PAH: variants seen among roughly 807,000 people sequenced by gnomAD.
PAH encodes phenylalanine-4-hydroxylase.
In PAH, 64 loss-of-function variants were observed where a neutral mutation model predicts 62.0. The observed-to-expected ratio is 1.03, with a 90% CI of 0.84 to 1.27. PAH has a LOEUF of 1.27. PAH is among the 50% of genes most tolerant of loss of function. The pLI, the probability that PAH is intolerant of heterozygous loss-of-function variation, is 0.00. For synonymous variants in PAH, 195 were observed against 196.2 expected (o/e 0.99, Z 0.05); for missense variants, 579 against 542.8 (o/e 1.07, Z -0.66).
intron 1 of PAH, among the ~76,000 whole-genome samples, chr12:102,927,617 A>C (rs113496823): frequency 1.7e-4 from 26 of 152,292 alleles, no homozygotes; most frequent in African/African-American, 6.0e-4. Context: ...GCTCAGGGAA[A>C]ATAATTAATT....
At chr12:102,844,541 G>A in intron 9 of PAH, 110 bp from the exon 10 acceptor site, 1 of 754,070 alleles carries the variant, frequency 1.3e-6, no homozygotes, top group Admixed American at 2.0e-5. Flanking sequence ...ATTTTGGGGT[G>A]TGTCTATGTC....
intron 6 of PAH, 121 bp downstream of exon 6, chr12:102,855,015 T>G (rs1433104451): frequency 1.2e-6 from 1 of 817,122 alleles, no homozygotes; most frequent in Admixed American, 1.9e-5. Context: ...TCAACCTGCA[T>G]GCATTCCTAC....
At chr12:102,884,028 A>G (rs1293307300) in intron 3 of PAH, among the ~76,000 whole-genome samples, 1 of 152,208 alleles carries the variant, frequency 6.6e-6, no homozygotes, top group Non-Finnish European at 1.5e-5. Flanking sequence ...TGGTATTATC[A>G]TTATAGAAGG....
At chr12:102,913,974 A>G in intron 1 of PAH, 1 of 646,570 alleles carries the variant, frequency 1.5e-6, no homozygotes, top group Non-Finnish European at 2.8e-6. Context: ...CTCTCTTGTA[A>G]GCAAGTTAAT....
intron 1 of PAH, among the ~76,000 whole-genome samples, chr12:102,935,851 T>C (rs1438201127): frequency 6.6e-6 from 1 of 152,046 alleles, no homozygotes; most frequent in Admixed American, 6.5e-5. Flanking sequence ...CTTTTTGTTA[T>C]GTTGATCTGT....
intron 6 of PAH, chr12:102,854,834 A>AAAAC (rs1565847906): frequency 1.3e-4 from 57 of 436,254 alleles, no homozygotes; most frequent in Non-Finnish European, 1.9e-4. Context: ...CAAAACAAAA[A>AAAAC]AAAACCTCAG....
intron 2 of PAH, among the ~76,000 whole-genome samples, chr12:102,909,304 G>A (rs2136723226): frequency 6.6e-6 from 1 of 152,272 alleles, no homozygotes; most frequent in South Asian, 2.1e-4. Context: ...GGATTGTGTG[G>A]AGGAAGACCA....
intron 4 of PAH, among the ~76,000 whole-genome samples, chr12:102,869,287 T>C (rs1003610060): frequency 6.6e-6 from 1 of 152,218 alleles, no homozygotes; most frequent in African/African-American, 2.4e-5. Flanking sequence ...GTATACCCAG[T>C]TGATATTATC....
intron 5 of PAH, among the ~76,000 whole-genome samples, chr12:102,857,699 T>C (rs559109552): frequency 2.4e-4 from 37 of 152,280 alleles, no homozygotes; most frequent in Non-Finnish European, 4.9e-4. Context: ...GAATTTCAAC[T>C]CAGAATTTCA....
At chr12:102,930,284 T>TAA (rs1878812835) in intron 1 of PAH, among the ~76,000 whole-genome samples, 1 of 152,132 alleles carries the variant, frequency 6.6e-6, no homozygotes, top group African/African-American at 2.4e-5. Flanking sequence ...GCTAATGAAC[T>TAA]AAAGCTTTAG....
intron 2 of PAH, among the ~76,000 whole-genome samples, chr12:102,910,811 T>TCAACGTGCTTGAAAG (rs151139638): frequency 0.038 from 5,823 of 152,204 alleles, 191 homozygotes; most frequent in African/African-American, 0.085. Context: ...GGGGTTGCTT[T>TCAACGTGCTTGAAAG]CAAGCACGTT....
intron 1 of PAH, among the ~76,000 whole-genome samples, chr12:102,936,213 A>T (rs1879093794): frequency 6.6e-6 from 1 of 151,888 alleles, no homozygotes; most frequent in African/African-American, 2.4e-5. Context: ...CCTGTTATTG[A>T]TTTCTAGTTT....
At chr12:102,893,819 G>A (rs1337716206) in intron 3 of PAH, among the ~76,000 whole-genome samples, 1 of 152,196 alleles carries the variant, frequency 6.6e-6, no homozygotes, top group Admixed American at 6.5e-5. Context: ...GACAATGCAA[G>A]TTTTGACAAC....
intron 1 of PAH, among the ~76,000 whole-genome samples, chr12:102,944,718 G>A (rs1287818138): frequency 6.6e-6 from 1 of 152,170 alleles, no homozygotes; most frequent in East Asian, 1.9e-4. Flanking sequence ...TGTCTGAAAG[G>A]TCACATATCT....
chr12:102,899,305 A>T (rs1044766734), intron 2 of PAH, among the ~76,000 whole-genome samples: 2 of 152,112 alleles, frequency 1.3e-5, no homozygotes, highest in Non-Finnish European at 2.9e-5. Flanking sequence ...AGCAAAGAAG[A>T]AGTTCTGGGA....
rs1874677176 is a variant in PAH at position 102,843,546 on chromosome 12, G to A, written c.1199+100C>T. Reference sequence around the variant, plus strand: ...AAACTGTCTATGGTACAAAGTTGCTGTAGACATTGGAGTCCACTCTCCTGG... The same window carrying A: ...AAACTGTCTATGGTACAAAGTTGCTATAGACATTGGAGTCCACTCTCCTGG... On this transcript the variant is annotated intron_variant, in intron 11 of 12. Coordinates refer to ENST00000553106, the MANE Select transcript of PAH (RefSeq NM_000277.3). The A allele has an allele frequency of 3.5e-6, 4 of 1,146,898 alleles. No homozygotes were observed. In the South Asian group the frequency reaches 5.0e-5, roughly 14 times the overall value. 71.0% of individuals were successfully genotyped at this position (1,146,898 alleles called of 1,614,324 possible). A position where few individuals can be genotyped will look rare whatever the true frequency, so the allele number is the denominator to read the frequency against.
upstream of PAH, chr12:102,953,350 A>G (rs1879824262): frequency 6.6e-6 from 1 of 152,252 alleles, no homozygotes; most frequent in Non-Finnish European, 1.5e-5. Context: ...TTTCACTTTT[A>G]ATATCAATCC....
upstream of PAH, among the ~76,000 whole-genome samples, chr12:102,918,758 C>G (rs1255683665): frequency 6.6e-6 from 1 of 152,068 alleles, no homozygotes; most frequent in East Asian, 1.9e-4. Flanking sequence ...GTTGGAAGCT[C>G]AATGTTGTTA....
rs779292646 is a variant in PAH at position 102,843,636 on chromosome 12, A to C, written c.1199+10T>G. 6.2e-7 allele frequency: 1 copy of C among 1,613,298 alleles called. No individual in the cohort carries two copies. Among genetic ancestry groups the C allele is most frequent in the South Asian group, 1.1e-5 (1 of 91,056 alleles). On this transcript the variant is annotated intron_variant, in intron 11 of 12. Transcript: ENST00000553106. The stretch of plus-strand genomic sequence containing the variant: ...CCAGAGCTAGTGGCTCACCTTTGTC[A>C]CCACCTCACCTTACTTTCTCCTTGG...
Sources: gnomAD v4.1 joint callset for allele counts (sites outside exome capture counted in the v4.1 genomes callset) on GRCh38, gnomAD v4.1.1 for gene constraint, MANE v1.5 for transcripts, NCBI Gene and HGNC (gene_info 2026-07-23, HGNC 2026-07-21) for gene names.